The following CARMIL3 variants were observed in gnomAD, a reference collection of about 807,000 sequenced individuals.
CARMIL3 encodes the protein capping protein, Arp2/3 and myosin-I linker protein 3.
CARMIL3 carries 88 observed loss-of-function variants against 180.8 expected under a neutral mutation model. The observed-to-expected ratio is 0.49, with a 90% CI of 0.41 to 0.58. The LOEUF is 0.58. CARMIL3 is among the 20% of genes least tolerant of loss of function. The probability of loss-of-function intolerance (pLI) is 0.00; values close to 1 mark genes in which losing one functional copy is unlikely to be tolerated. For missense variants in CARMIL3, 1,548 were observed against 1,787.0 expected (o/e 0.87, Z 2.41); for synonymous variants, 696 against 714.5 (o/e 0.97, Z 0.41).
chr14:24,065,243 G>A lies in CARMIL3; in HGVS notation c.3366G>A (p.Gly1122=), dbSNP rs143876182. 9.9e-4 allele frequency: 1,540 copies of A among 1,548,320 alleles called. 2 individuals carry two copies. Among genetic ancestry groups the A allele is most frequent in the Non-Finnish European group, 1.3e-3 (1,480 of 1,155,184 alleles). The part of the protein sequence containing the change: ...EESSLLPGFG[G]GRGPSFRRKM... ...GCAGCCTCCTCCCTGGATTTGGTGG[G>A]GGCCGGGGACCTTCCTTCCGCCGGA... The change falls in exon 33 of 40, where the codon GGG becomes GGA. Residue 1122 remains glycine (G), a synonymous_variant. Coordinates refer to ENST00000342740, the MANE Select transcript of CARMIL3 (RefSeq NM_138360.4).
intron 1 of CARMIL3, among the ~76,000 whole-genome samples, chr14:24,052,507 G>C (rs1177166072): frequency 1.3e-5 from 2 of 152,146 alleles, no homozygotes; most frequent in Non-Finnish European, 2.9e-5. Flanking sequence ...GAAGCGTCCA[G>C]TCTCCCATCC....
At position 24,059,844 on chromosome 14, in the gene CARMIL3, T is replaced by C; in HGVS notation, c.1868+112T>C. 6.5e-7 allele frequency: 1 copy of C among 1,532,132 alleles called. No individual in the cohort carries two copies. Among genetic ancestry groups the C allele is most frequent in the South Asian group, 1.1e-5 (1 of 89,180 alleles). 94.9% of individuals were successfully genotyped at this position (1,532,132 alleles called of 1,614,324 possible). A position where few individuals can be genotyped will look rare whatever the true frequency, so the allele number is the denominator to read the frequency against. On this transcript the variant is annotated intron_variant, in intron 22 of 39. Coordinates refer to ENST00000342740, the MANE Select transcript of CARMIL3 (RefSeq NM_138360.4). The surrounding 1 kb of genome is among the most constrained non-coding windows in gnomAD (Gnocchi z 6.3). ...CCCCTTTGACCTATTTGCACAGAAA[T>C]TTTAGGAAGGGCCATGGAAGACAGA...
At chr14:24,055,006 C>T in intron 6 of CARMIL3, 60 bp from the exon 7 acceptor site, 1 of 1,576,914 alleles carries the variant, frequency 6.3e-7, no homozygotes. Flanking sequence ...TGTTCTTGAA[C>T]CCCAAGCCTA....
chr14:24,065,305 C>T (rs781647033), intron 33 of CARMIL3, 32 bp downstream of exon 33: 1 of 1,475,532 alleles, frequency 6.8e-7, no homozygotes, highest in Admixed American at 2.7e-5. Flanking sequence ...GTGTCTTCCC[C>T]TTTTCCTGCC....
At chr14:24,069,023 C>T in intron 38 of CARMIL3, 57 bp downstream of exon 38, 1 of 1,562,036 alleles carries the variant, frequency 6.4e-7, no homozygotes. Context: ...TTGCTGTCCA[C>T]ATCAGGTCCT....
At position 24,052,189 on chromosome 14, in the gene CARMIL3, G is replaced by A. The variant is rs376165345; in HGVS notation, c.36G>A (p.Leu12=). ...AKPSVELTRE[L]QDSIRRCLSQ... ...CCAGCGTGGAGCTCACCCGCGAGTT[G>A]CAAGGTACGAGGCTGCCTCGGTCTC... is the stretch of plus-strand genomic sequence containing the variant. The change falls in exon 1 of 40, where the codon TTG becomes TTA. Residue 12 remains leucine, a synonymous_variant. Transcript: ENST00000342740. The A allele has an allele frequency of 2.7e-5, 43 of 1,591,530 alleles. No individual in the cohort carries two copies. The highest frequency in any genetic ancestry group is 5.1e-5 in the Admixed American group (3 of 58,742).
In CARMIL3 at chr14:24,054,912, C is replaced by T. The variant is rs886601277; in HGVS notation, c.460+104C>T. ...TGCCTGGGCGGGCGGGCTTTGCCTG[C>T]CTGAAGGACTCCCAGCTCCCAGACC... On this transcript the variant is annotated intron_variant, in intron 6 of 39. Coordinates refer to ENST00000342740, the MANE Select transcript of CARMIL3 (RefSeq NM_138360.4). The surrounding 1 kb of genome is among the most constrained non-coding windows in gnomAD (Gnocchi z 5.1). 3.6e-6 allele frequency: 5 copies of T among 1,391,788 alleles called. No homozygotes were observed. The African/African-American group carries it at 4.3e-5, about 12-fold the overall frequency. The allele number at this position is 1,391,788 out of a possible 1,614,324, so 86.2% of individuals were successfully genotyped here.
chr14:24,056,516 C>A, intron 11 of CARMIL3, 106 bp from the exon 12 acceptor site: 1 of 1,465,982 alleles, frequency 6.8e-7, no homozygotes, highest in Non-Finnish European at 9.5e-7. Context: ...ACACCTCCAT[C>A]CTTGACCCAA....
In CARMIL3 at chr14:24,063,353, A is replaced by G; in HGVS notation, c.2799A>G (p.Gln933=). The G allele has an allele frequency of 1.2e-6, 2 of 1,606,714 alleles. No individual in the cohort carries two copies. Among genetic ancestry groups the G allele is most frequent in the Non-Finnish European group, 8.5e-7 (1 of 1,175,182 alleles). The stretch of plus-strand genomic sequence containing the variant: ...GGAGCCCTCAGGACATGGAAAGCCA[A>G]CTGGGGAATCTGGGGATCCCCCCTG... ...ISGSPQDMES[Q]LGNLGIPPGW... The change falls in exon 31 of 40, where the codon CAA becomes CAG. Residue 933 remains glutamine (Q), a synonymous_variant. Coordinates refer to ENST00000342740, the MANE Select transcript of CARMIL3 (RefSeq NM_138360.4).
At chr14:24,052,257 TC>T in intron 1 of CARMIL3, 64 bp downstream of exon 1, 1 of 1,492,352 alleles carries the variant, frequency 6.7e-7, no homozygotes. Flanking sequence ...AGCGCGTTCC[TC>T]CCCGTGGTGC....
intron 31 of CARMIL3, 144 bp downstream of exon 31, chr14:24,063,677 A>G: frequency 1.3e-6 from 1 of 749,912 alleles, no homozygotes. Context: ...CAGATGAGGG[A>G]TTGCCCAGTT....
Position 24,055,258 on chromosome 14 carries a change from G to A in CARMIL3, c.553G>A (p.Ala185Thr). The A allele has an allele frequency of 6.2e-7, 1 of 1,614,168 alleles. No individual in the cohort carries two copies. Among genetic ancestry groups the A allele is most frequent in the Non-Finnish European group, 8.5e-7 (1 of 1,180,022 alleles). Residue 185 changes from alanine (A) to threonine (T), a missense_variant, in exon 8 of 40, where the codon GCT becomes ACT. Ala to Thr is a moderately conservative substitution (Grantham distance 58). Coordinates refer to ENST00000342740, the MANE Select transcript of CARMIL3 (RefSeq NM_138360.4). ...CAAGGATGTGGACACCATCTACCAT[G>A]CTGAAGATAACCGGGAGTTCAATCT... ...VQWDVDTIYH[A>T]EDNREFNLLD...
rs772373347 is a variant in CARMIL3, at chr14:24,065,055, C to T, written c.3178C>T (p.Arg1060Trp). 8 of 1,605,616 alleles carry T rather than the reference C, an allele frequency of 5.0e-6. No individual in the cohort carries two copies. Among genetic ancestry groups the T allele is most frequent in the South Asian group, 3.3e-5 (3 of 90,286 alleles). Residue 1060 changes from arginine to tryptophan, a missense_variant, in exon 33 of 40, where the codon CGG (arginine) becomes TGG (tryptophan). By Grantham distance (101) the Arg-to-Trp change is moderately radical (BLOSUM62 -3). Around this residue, in one of 4 missense-constraint regions of CARMIL3, gnomAD observed 668 missense variants for 687.8 expected, o/e 0.97. Coordinates refer to ENST00000342740, the MANE Select transcript of CARMIL3 (RefSeq NM_138360.4). The part of the protein sequence containing the change: ...KRRRGLFHFR[R>W]PRSFKGDRGP... Reference sequence around the variant, plus strand: ...GCGCCGGGGCCTGTTTCACTTTCGCCGGCCCCGGAGCTTCAAGGGGGACAG... The same window carrying T: ...GCGCCGGGGCCTGTTTCACTTTCGCTGGCCCCGGAGCTTCAAGGGGGACAG...
At chr14:24,055,473 T>C in intron 8 of CARMIL3, 70 bp from the exon 9 acceptor site, 1 of 1,571,794 alleles carries the variant, frequency 6.4e-7, no homozygotes, top group Non-Finnish European at 8.8e-7. Context: ...AACCACCCTA[T>C]CCTTGGTCTC....
intron 39 of CARMIL3, 29 bp downstream of exon 39, chr14:24,069,276 C>T (rs1405107902): frequency 2.0e-5 from 33 of 1,613,076 alleles, no homozygotes; most frequent in Non-Finnish European, 2.6e-5. Flanking sequence ...CAGGTCCCCC[C>T]TTCCCACCTA....
chr14:24,055,136 G>T lies in CARMIL3; in HGVS notation c.531G>T (p.Trp177Cys). The T allele has an allele frequency of 6.2e-7, 1 of 1,614,048 alleles. No homozygotes were observed. The highest frequency in any genetic ancestry group is 8.5e-7 in the Non-Finnish European group (1 of 1,180,012). The stretch of plus-strand genomic sequence containing the variant: ...TACACTGCCGTGAGGAGGTTCAATG[G>T]GTATGTTGGGCAGGGACCCCATAGG... The part of the protein sequence containing the change: ...NGLHCREEVQ[W>C]DVDTIYHAED... Residue 177 changes from tryptophan to cysteine, a missense_variant and splice_region_variant, in exon 7 of 40, where the codon TGG (tryptophan) becomes TGT (cysteine). By Grantham distance (215) the Trp-to-Cys change is radical. Around this residue, in one of 4 missense-constraint regions of CARMIL3, gnomAD observed 578 missense variants for 666.5 expected, o/e 0.87. Coordinates refer to ENST00000342740, the MANE Select transcript of CARMIL3 (RefSeq NM_138360.4).
chr14:24,063,202 G>A lies in CARMIL3; in HGVS notation c.2770+19G>A, dbSNP rs1003761. ...TTCATCAGTGAGTCTCCCAGCCTCC[G>A]TTCTCATGGACTCCAGACTCCCGCC... On this transcript the variant is annotated intron_variant, in intron 30 of 39. Transcript: ENST00000342740. 23,227 of 1,611,138 alleles carry A rather than the reference G, an allele frequency of 0.014. 2,617 individuals carry two copies. In the African/African-American group the frequency reaches 0.26, roughly 18 times the overall value.
rs909247543 is a variant in CARMIL3, at chr14:24,053,869, A to G, written c.135+66A>G. ...CAAGGGCAGCTGGCCAGTAGAGGGCAGGGAGCCGGGAGGACAGAAGAGACA... is the reference window on the plus strand; with the variant it reads ...CAAGGGCAGCTGGCCAGTAGAGGGCGGGGAGCCGGGAGGACAGAAGAGACA... On this transcript the variant is annotated intron_variant, in intron 2 of 39. Transcript: ENST00000342740. 9.1e-6 allele frequency: 13 copies of G among 1,425,922 alleles called. No homozygotes were observed. The African/African-American group carries it at 1.8e-4, about 20-fold the overall frequency. 88.3% of individuals were successfully genotyped at this position (1,425,922 alleles called of 1,614,324 possible).
Position 24,064,134 on chromosome 14 carries a change from T to C in CARMIL3, c.2980-112T>C, listed in dbSNP as rs148282475. ...AAAGAAAAAGAAACACTGGGTGAAC[T>C]GAAGTCTACATTTCCATAAATGTCC... On this transcript the variant is annotated intron_variant, in intron 31 of 39. Coordinates refer to ENST00000342740, the MANE Select transcript of CARMIL3 (RefSeq NM_138360.4). 1,553 of 661,082 alleles carry C rather than the reference T, an allele frequency of 2.3e-3. 23 individuals are homozygous for C. The African/African-American group carries it at 0.027, about 11-fold the overall frequency. The allele number at this position is 661,082 out of a possible 1,614,324, so 41.0% of individuals were successfully genotyped here. A position where few individuals can be genotyped will look rare whatever the true frequency, so the allele number is the denominator to read the frequency against.
Sources: allele counts gnomAD v4.1 joint callset (sites outside exome capture counted in the v4.1 genomes callset), GRCh38; gene constraint gnomAD v4.1.1; regional missense constraint gnomAD v4.1.1; non-coding constraint Gnocchi (gnomAD v3.1); transcripts MANE v1.5; gene names NCBI Gene and HGNC (gene_info 2026-07-23, HGNC 2026-07-21).